Variants in GLIS3 observed in about 807,000 individuals in gnomAD.
The protein encoded by GLIS3 is zinc finger protein GLIS3.
GLIS3 carries 53 observed loss-of-function variants against 78.6 expected under a neutral mutation model. The observed-to-expected ratio is 0.67, with a 90% CI of 0.54 to 0.85. GLIS3 has a LOEUF of 0.85. GLIS3 is among the 40% of genes least tolerant of loss of function. GLIS3 has a pLI of 0.00. For missense variants in GLIS3, 1,703 were observed against 1,231.1 expected (o/e 1.38, Z -5.74); for synonymous variants, 684 against 509.9 (o/e 1.34, Z -4.60).
chr9:4,067,329 TA>T (rs893515207), intron 4 of GLIS3, among the ~76,000 whole-genome samples: 2 of 152,004 alleles, frequency 1.3e-5, no homozygotes, highest in African/African-American at 4.8e-5. Flanking sequence ...AACAATACTT[TA>T]TTTTAAAATT....
At chr9:4,394,485 C>A in the GLIS3 span, among the ~76,000 whole-genome samples, 1 of 152,010 alleles carries the variant, frequency 6.6e-6, no homozygotes, top group Admixed American at 6.6e-5. Context: ...GGTTGCAGTT[C>A]TTGAACAACA....
At position 4,018,336 on chromosome 9, in the gene GLIS3, C is replaced by T. The variant is rs116458566; in HGVS notation, c.1711-81147G>A. ...TACACAGGACTGGCTCTGGCAGCCT[C>T]GGGGCAGGGATGCACATATCTGTCC... is the stretch of plus-strand genomic sequence containing the variant. On this transcript the variant is annotated intron_variant, in intron 4 of 10. Coordinates refer to ENST00000381971, the MANE Select transcript of GLIS3 (RefSeq NM_001042413.2). 1.3e-3 allele frequency among the ~76,000 whole-genome samples: 195 copies of T among 152,190 alleles called. 1 individual carries two copies. Among genetic ancestry groups the T allele is most frequent in the Middle Eastern group, 6.8e-3 (2 of 294 alleles).
intron 4 of GLIS3, among the ~76,000 whole-genome samples, chr9:4,056,984 C>T (rs1429535175): frequency 1.4e-5 from 2 of 141,488 alleles, no homozygotes; most frequent in African/African-American, 5.3e-5. Context: ...GAATGTGAAT[C>T]GTGCCCCCTA....
chr9:4,410,772 T>C, the GLIS3 span, among the ~76,000 whole-genome samples: 1 of 152,228 alleles, frequency 6.6e-6, no homozygotes, highest in East Asian at 1.9e-4. Context: ...TAGCTCATAT[T>C]TAACTGCCAG....
At chr9:4,169,545 T>C (rs190742566) in intron 2 of GLIS3, among the ~76,000 whole-genome samples, 2 of 152,268 alleles carry the variant, frequency 1.3e-5, no homozygotes, top group Admixed American at 6.5e-5. Flanking sequence ...ACCGGGAAAA[T>C]TGGTGAACTC....
In GLIS3 at chr9:4,100,260, AG is replaced by A. The variant is rs149242336; in HGVS notation, c.1710+17507del. Among the ~76,000 whole-genome samples the A allele has an allele frequency of 3.4e-3, 518 of 152,312 alleles. 2 individuals are homozygous for A. The highest frequency in any genetic ancestry group is 5.2e-3 in the Non-Finnish European group (354 of 68,026). On this transcript the variant is annotated intron_variant, in intron 4 of 10. Coordinates refer to ENST00000381971, the MANE Select transcript of GLIS3 (RefSeq NM_001042413.2). ...ACCATAATTGGCCCCGCTCCCTGCC[AG>A]GGCTGAACTGTTAAACCACACACTA...
At chr9:4,276,880 C>CT (rs1778352507) in intron 2 of GLIS3, among the ~76,000 whole-genome samples, 1 of 152,192 alleles carries the variant, frequency 6.6e-6, no homozygotes, top group Non-Finnish European at 1.5e-5. Context: ...AATGAAAACT[C>CT]TGGCTACCTC....
At chr9:4,125,321 T>C (rs932929196) in intron 3 of GLIS3, among the ~76,000 whole-genome samples, 19 of 152,102 alleles carry the variant, frequency 1.2e-4, no homozygotes, top group African/African-American at 4.6e-4. Flanking sequence ...ACAAGACAGA[T>C]TGTTGAGCTG....
At chr9:4,481,876 G>A in the GLIS3 span, among the ~76,000 whole-genome samples, 1 of 152,202 alleles carries the variant, frequency 6.6e-6, no homozygotes, top group African/African-American at 2.4e-5. Context: ...CCCGCAGGGT[G>A]TGACACTACC....
rs531065184 is a variant in GLIS3, at chr9:4,270,305, A to G, written c.388+15733T>C. Among the ~76,000 whole-genome samples the G allele has an allele frequency of 3.3e-5, 5 of 152,310 alleles. No individual in the cohort carries two copies. The East Asian group carries it at 7.7e-4, about 23-fold the overall frequency. ...TTAAAAGAGGAAAGCCCAGACAATA[A>G]CTGTACTAATTATCTATTGCTACAT... On this transcript the variant is annotated intron_variant, in intron 2 of 10. Coordinates refer to ENST00000381971, the MANE Select transcript of GLIS3 (RefSeq NM_001042413.2).
intron 7 of GLIS3, among the ~76,000 whole-genome samples, chr9:3,897,960 T>G (rs1200585922): frequency 6.6e-6 from 1 of 152,218 alleles, no homozygotes; most frequent in Non-Finnish European, 1.5e-5. Flanking sequence ...TTTCTCATCT[T>G]CATAGCATGA....
In GLIS3 at chr9:4,163,000, C is replaced by G. The variant is rs116139274; in HGVS notation, c.389-37059G>C. ...CCCAGCTCCCTAAGTAGGGTACTTTCTACCCTCTCATCATCCACATGAGGA... is the reference window on the plus strand; with the variant it reads ...CCCAGCTCCCTAAGTAGGGTACTTTGTACCCTCTCATCATCCACATGAGGA... On this transcript the variant is annotated intron_variant, in intron 2 of 10. Transcript: ENST00000381971. 7.3e-3 allele frequency among the ~76,000 whole-genome samples: 1,105 copies of G among 152,218 alleles called. 12 individuals are homozygous for G. Among genetic ancestry groups the G allele is most frequent in the African/African-American group, 0.026 (1,068 of 41,524 alleles).
At chr9:4,378,886 C>G in the GLIS3 span, among the ~76,000 whole-genome samples, 6 of 152,168 alleles carry the variant, frequency 3.9e-5, no homozygotes, top group African/African-American at 1.4e-4. Context: ...CTGATTCTTC[C>G]TCTATGAGGT....
intron 2 of GLIS3, among the ~76,000 whole-genome samples, chr9:4,327,980 A>AG (rs35710823): frequency 0.14 from 20,892 of 152,192 alleles, 1,647 homozygotes; most frequent in East Asian, 0.23. Context: ...GAAAGTAGGA[A>AG]GGCAAAAGCC....
At chr9:4,375,878 T>C in the GLIS3 span, among the ~76,000 whole-genome samples, 7 of 152,120 alleles carry the variant, frequency 4.6e-5, no homozygotes, top group Non-Finnish European at 8.8e-5. Flanking sequence ...AACTTTGGAA[T>C]AGTACAAAGA....
At chr9:4,010,569 G>C (rs1821921480) in intron 4 of GLIS3, among the ~76,000 whole-genome samples, 1 of 152,086 alleles carries the variant, frequency 6.6e-6, no homozygotes. Flanking sequence ...TAGCAGGCAG[G>C]ACCGTGTGAA....
chr9:4,204,258 G>A (rs1473140814), intron 2 of GLIS3, among the ~76,000 whole-genome samples: 3 of 152,190 alleles, frequency 2.0e-5, no homozygotes, highest in Non-Finnish European at 2.9e-5. Context: ...GAGGAGTACA[G>A]TTAGCGATTT....
At chr9:4,354,787 G>C in the GLIS3 span, among the ~76,000 whole-genome samples, 1 of 152,126 alleles carries the variant, frequency 6.6e-6, no homozygotes. Context: ...CCCTCAAAGA[G>C]TCATTCCTTT....
At chr9:4,182,871 G>A (rs1411439275) in intron 2 of GLIS3, among the ~76,000 whole-genome samples, 2 of 152,328 alleles carry the variant, frequency 1.3e-5, no homozygotes, top group East Asian at 3.9e-4. Flanking sequence ...GTATCACCCT[G>A]TCTGATTCTC....
Sources: gnomAD v4.1 joint callset for allele counts (sites outside exome capture counted in the v4.1 genomes callset) on GRCh38, gnomAD v4.1.1 for gene constraint, MANE v1.5 for transcripts, NCBI Gene and HGNC (gene_info 2026-07-23, HGNC 2026-07-21) for gene names.